The following PCDHA6 variants were observed in gnomAD, a reference collection of about 807,000 sequenced individuals.
PCDHA6 encodes the protein protocadherin alpha-6.
A neutral mutation model predicts 60.3 loss-of-function variants in PCDHA6; 55 were observed. The observed-to-expected ratio is 0.91, with a 90% CI of 0.73 to 1.14. The LOEUF is 1.14. PCDHA6 is among the 50% of genes most tolerant of loss of function. PCDHA6 has a pLI of 0.00. For synonymous variants in PCDHA6, 652 were observed against 557.9 expected, an observed-to-expected ratio of 1.17 and a Z score of -2.38; for missense variants, 1,327 against 1,256.5, an observed-to-expected ratio of 1.06 and a Z score of -0.85.
At chr5:140,966,489 C>T in intron 1 of PCDHA6, 1 of 440,146 alleles carries the variant, frequency 2.3e-6, no homozygotes, top group Non-Finnish European at 3.9e-6. Flanking sequence ...TTCCCTCCCC[C>T]TGGAGCTGTA....
chr5:140,924,472 G>A (rs938412564), intron 1 of PCDHA6, among the ~76,000 whole-genome samples: 1 of 152,188 alleles, frequency 6.6e-6, no homozygotes, highest in African/African-American at 2.4e-5. Flanking sequence ...GAGGTAACTG[G>A]TTTTTAGTGG....
intron 3 of PCDHA6, among the ~76,000 whole-genome samples, chr5:140,986,776 C>T (rs916981139): frequency 2.6e-5 from 4 of 152,098 alleles, no homozygotes; most frequent in Non-Finnish European, 4.4e-5. Flanking sequence ...AATTAGGTAG[C>T]GGAAGCCACT....
intron 1 of PCDHA6, chr5:140,843,756 G>A: frequency 2.7e-6 from 4 of 1,503,408 alleles, no homozygotes; most frequent in Non-Finnish European, 3.7e-6. Flanking sequence ...TTCTATTTGT[G>A]GAAATTGTAG....
At position 140,836,054 on chromosome 5, in the gene PCDHA6, C is replaced by A. The variant is rs2150251582; in HGVS notation, c.2394+5569C>A. 2.2e-5 allele frequency: 36 copies of A among 1,613,478 alleles called. No homozygotes were observed. Among genetic ancestry groups the A allele is most frequent in the Admixed American group, 3.3e-5 (2 of 59,984 alleles). On this transcript the variant is annotated intron_variant, in intron 1 of 3. Transcript: ENST00000529310. The stretch of plus-strand genomic sequence containing the variant: ...TGACGCTGCAGGTGTTCGTGCTGGA[C>A]GAGAACGACAACGCGCCGGCACTGC...
rs1193708084 is a variant in PCDHA6, at chr5:140,882,956, A to AT, written c.2394+52472dup. 3.1e-6 allele frequency: 5 copies of AT among 1,614,110 alleles called. No individual in the cohort carries two copies. In the African/African-American group the frequency reaches 6.7e-5, roughly 22 times the overall value. ...GCTGACTGGCACAGTTCAGCTGCTC[A>AT]TCACGATTCTGGACGTGAATGACAA... On this transcript the variant is annotated intron_variant, in intron 1 of 3. Transcript: ENST00000529310.
chr5:140,839,534 C>T (rs1554137499), intron 1 of PCDHA6, among the ~76,000 whole-genome samples: 2 of 151,968 alleles, frequency 1.3e-5, no homozygotes, highest in Non-Finnish European at 2.9e-5. Flanking sequence ...GGACTATAGG[C>T]ACACACCACC....
At chr5:140,834,251 G>T in intron 1 of PCDHA6, 1 of 915,122 alleles carries the variant, frequency 1.1e-6, no homozygotes, top group Non-Finnish European at 1.7e-6. Context: ...GCACTGGAAA[G>T]ACGCTCCACT....
chr5:140,884,506 G>T (rs10076265), intron 1 of PCDHA6: 2 of 1,614,054 alleles, frequency 1.2e-6, no homozygotes, highest in Admixed American at 3.3e-5. Flanking sequence ...GCGCGGCAGG[G>T]AGTTGGTCGT....
chr5:140,842,399 C>G, intron 1 of PCDHA6: 1 of 1,611,446 alleles, frequency 6.2e-7, no homozygotes, highest in Non-Finnish European at 8.5e-7. Flanking sequence ...CTTGCCTGTA[C>G]GTGAAGACGC....
At chr5:140,948,237 T>C (rs532703710) in intron 1 of PCDHA6, among the ~76,000 whole-genome samples, 1 of 151,810 alleles carries the variant, frequency 6.6e-6, no homozygotes, top group South Asian at 2.1e-4. Flanking sequence ...ACTTGTATTT[T>C]AGTAAATATT....
intron 1 of PCDHA6, chr5:140,851,576 G>C: frequency 1.1e-6 from 1 of 913,534 alleles, no homozygotes; most frequent in Non-Finnish European, 1.3e-6. Context: ...TCTACACTTA[G>C]AACATTTTTT....
At chr5:140,981,849 T>C (rs1460050544) in intron 2 of PCDHA6, among the ~76,000 whole-genome samples, 2 of 152,202 alleles carry the variant, frequency 1.3e-5, no homozygotes, top group African/African-American at 4.8e-5. Flanking sequence ...AGTTTGTATC[T>C]CACTCCCAGC....
chr5:140,924,064 G>A (rs1584331926), intron 1 of PCDHA6, among the ~76,000 whole-genome samples: 1 of 152,172 alleles, frequency 6.6e-6, no homozygotes. Context: ...CTTTACAGTT[G>A]TATTTCATCT....
Position 141,009,658 on chromosome 5 carries a change from C to T in PCDHA6, c.2574C>T (p.Val858=), listed in dbSNP as rs571898721. The T allele has an allele frequency of 6.2e-6, 10 of 1,613,948 alleles. No individual in the cohort carries two copies. Among genetic ancestry groups the T allele is most frequent in the South Asian group, 4.4e-5 (4 of 91,030 alleles). The change falls in exon 4 of 4, where the codon GTC becomes GTT. Residue 858 remains valine, a synonymous_variant. Transcript: ENST00000529310. ...EPEAGEVSPP[V]GAGVNSNSWT... ...AGGCAGGAGAAGTGTCCCCTCCAGT[C>T]GGTGCGGGTGTCAACAGCAACAGCT...
chr5:140,946,387 T>C (rs1168775484), intron 1 of PCDHA6, among the ~76,000 whole-genome samples: 3 of 151,786 alleles, frequency 2.0e-5, no homozygotes, highest in African/African-American at 7.3e-5. Context: ...TTGGTAGGAA[T>C]GTAAATTAGT....
At chr5:140,957,674 T>C (rs2095374808) in intron 1 of PCDHA6, among the ~76,000 whole-genome samples, 1 of 152,084 alleles carries the variant, frequency 6.6e-6, no homozygotes, top group African/African-American at 2.4e-5. Flanking sequence ...AAATTAATTA[T>C]GAAATATCTA....
intron 1 of PCDHA6, chr5:140,883,292 G>C (rs1352359327): frequency 6.2e-7 from 1 of 1,613,946 alleles, no homozygotes; most frequent in Non-Finnish European, 8.5e-7. Flanking sequence ...GGAAGTACTA[G>C]ATGTAAATGA....
At chr5:140,858,285 G>C in intron 1 of PCDHA6, 1 of 1,597,520 alleles carries the variant, frequency 6.3e-7, no homozygotes, top group Non-Finnish European at 8.6e-7. Context: ...GTGGGGAGCT[G>C]GTCTTACTCG....
At chr5:140,867,550 C>G (rs2153229616) in intron 1 of PCDHA6, 1 of 152,198 alleles carries the variant, frequency 6.6e-6, no homozygotes, top group South Asian at 2.1e-4. Flanking sequence ...TTAGCATACA[C>G]ATATGATAAC....
Sources: allele counts gnomAD v4.1 joint callset (sites outside exome capture counted in the v4.1 genomes callset), GRCh38; gene constraint gnomAD v4.1.1; transcripts MANE v1.5; gene names NCBI Gene and HGNC (gene_info 2026-07-23, HGNC 2026-07-21).